DLG2: variants seen among roughly 807,000 people sequenced by gnomAD.
DLG2 encodes the protein discs large MAGUK scaffold protein 2.
Under a neutral mutation model 132.5 loss-of-function variants are expected in DLG2, and 45 were observed. The ratio of observed to expected loss-of-function variants is 0.34; its 90% CI spans 0.27 to 0.44. The LOEUF is 0.44. DLG2 is among the 20% of genes least tolerant of loss of function. DLG2 has a pLI of 1.00. For missense variants in DLG2, 1,045 were observed against 1,196.9 expected, an observed-to-expected ratio of 0.87 and a Z score of 1.87; for synonymous variants, 424 against 419.6, an observed-to-expected ratio of 1.01 and a Z score of -0.13.
At chr11:84,223,854 C>A (rs986665402) in intron 8 of DLG2, among the ~76,000 whole-genome samples, 1 of 152,172 alleles carries the variant, frequency 6.6e-6, no homozygotes, top group Non-Finnish European at 1.5e-5. Context: ...GTGCATCTGG[C>A]AAAAATTATG....
chr11:83,720,320 A>AAAAAAAAAAAAAAAAAAAAAAAAAAAAAT, intron 18 of DLG2, among the ~76,000 whole-genome samples: 1 of 148,770 alleles, frequency 6.7e-6, no homozygotes, highest in Middle Eastern at 3.4e-3. Flanking sequence ...AAAAAAAAAA[A>AAAAAAAAAAAAAAAAAAAAAAAAAAAAAT]AAAAAAGAAT....
chr11:84,882,391 T>C (rs965170310), intron 6 of DLG2, among the ~76,000 whole-genome samples: 1 of 152,070 alleles, frequency 6.6e-6, no homozygotes, highest in Admixed American at 6.6e-5. Context: ...TGGGATTTTC[T>C]TTTTTCTCCC....
intron 7 of DLG2, among the ~76,000 whole-genome samples, chr11:84,522,241 A>G (rs1419089164): frequency 6.6e-6 from 1 of 152,170 alleles, no homozygotes; most frequent in Non-Finnish European, 1.5e-5. Context: ...AAGCAGTGAA[A>G]CTAGAAAATC....
At chr11:85,158,647 A>G (rs1299740755) in intron 4 of DLG2, among the ~76,000 whole-genome samples, 1 of 152,182 alleles carries the variant, frequency 6.6e-6, no homozygotes, top group East Asian at 1.9e-4. Context: ...ATTTAAATAC[A>G]GTGTGAATAA....
At chr11:84,003,129 G>A (rs912248244) in intron 11 of DLG2, among the ~76,000 whole-genome samples, 17 of 152,256 alleles carry the variant, frequency 1.1e-4, no homozygotes, top group African/African-American at 3.6e-4. Context: ...AGCATAGCAA[G>A]AGTCACCTTT....
chr11:85,106,217 G>C (rs1038204804), intron 6 of DLG2, among the ~76,000 whole-genome samples: 1 of 151,892 alleles, frequency 6.6e-6, no homozygotes, highest in Admixed American at 6.6e-5. Context: ...ATATTCTAGA[G>C]AGACATAGTA....
chr11:85,172,855 G>A (rs1378447114), intron 4 of DLG2, among the ~76,000 whole-genome samples: 2 of 152,060 alleles, frequency 1.3e-5, no homozygotes, highest in Non-Finnish European at 2.9e-5. Flanking sequence ...CATAGACCAA[G>A]CAGAGGAAAG....
At chr11:85,224,445 G>C (rs571344942) in intron 4 of DLG2, among the ~76,000 whole-genome samples, 65 of 152,184 alleles carry the variant, frequency 4.3e-4, no homozygotes, top group South Asian at 4.2e-3. Context: ...GAGGTGTAGG[G>C]GACTGAGCTG....
At chr11:85,507,354 G>T (rs1269863372) in intron 3 of DLG2, among the ~76,000 whole-genome samples, 3 of 152,148 alleles carry the variant, frequency 2.0e-5, no homozygotes, top group African/African-American at 7.2e-5. Context: ...GGTACCAGTT[G>T]TTGCTTTCCA....
intron 7 of DLG2, among the ~76,000 whole-genome samples, chr11:84,480,412 T>G (rs17734775): frequency 0.022 from 3,403 of 152,280 alleles, 58 homozygotes; most frequent in Non-Finnish European, 0.035. Context: ...TGAATGAGAT[T>G]AGCCATCTTT....
chr11:84,827,369 A>G (rs1325940808), intron 6 of DLG2, among the ~76,000 whole-genome samples: 2 of 151,788 alleles, frequency 1.3e-5, no homozygotes, highest in Non-Finnish European at 2.9e-5. Flanking sequence ...ACTAAAAAAA[A>G]AAAATTTATG....
At chr11:85,024,371 G>T (rs755830531) in intron 6 of DLG2, among the ~76,000 whole-genome samples, 3 of 152,046 alleles carry the variant, frequency 2.0e-5, no homozygotes, top group Admixed American at 1.3e-4. Context: ...AAGGTAAACG[G>T]CACCAAAACT....
intron 4 of DLG2, among the ~76,000 whole-genome samples, chr11:85,178,315 C>G (rs1380717787): frequency 6.6e-6 from 1 of 151,796 alleles, no homozygotes; most frequent in Non-Finnish European, 1.5e-5. Context: ...GTGTTTATGC[C>G]TAAAGAGAAT....
In DLG2 at chr11:84,054,333, A is replaced by G. The variant is rs116178540; in HGVS notation, c.919+4982T>C. On this transcript the variant is annotated intron_variant, in intron 11 of 27. Coordinates refer to ENST00000376104, the MANE Select transcript of DLG2 (RefSeq NM_001142699.3). The stretch of plus-strand genomic sequence containing the variant: ...CTAGGAAGCCTTTTACAGTAAATCT[A>G]TTTCCTGGAAACCCACATACACACT... Among the ~76,000 whole-genome samples the G allele has an allele frequency of 6.2e-3, 947 of 152,078 alleles. 9 individuals are homozygous for G. The highest frequency in any genetic ancestry group is 0.022 in the African/African-American group (911 of 41,536).
chr11:84,504,438 A>T (rs183537794), intron 7 of DLG2, among the ~76,000 whole-genome samples: 1 of 152,290 alleles, frequency 6.6e-6, no homozygotes, highest in African/African-American at 2.4e-5. Flanking sequence ...TTTTATTATC[A>T]AACGCTGTTA....
At chr11:84,558,243 T>TTA (rs2099415928) in intron 6 of DLG2, among the ~76,000 whole-genome samples, 1 of 152,156 alleles carries the variant, frequency 6.6e-6, no homozygotes, top group Non-Finnish European at 1.5e-5. Flanking sequence ...ATTTCCCAGA[T>TTA]TACATCCCTT....
chr11:85,059,102 T>A (rs762526309), intron 6 of DLG2, among the ~76,000 whole-genome samples: 1 of 151,374 alleles, frequency 6.6e-6, no homozygotes, highest in African/African-American at 2.4e-5. Flanking sequence ...TTGGAATACA[T>A]ACATCCAAAA....
Position 83,633,213 on chromosome 11 carries a change from G to A in DLG2, c.1938C>T (p.Val646=). Residue 646 remains valine, a splice_region_variant and synonymous_variant, in exon 19 of 28, where the codon GTC becomes GTT. Coordinates refer to ENST00000376104, the MANE Select transcript of DLG2 (RefSeq NM_001142699.3). ...LRTNQKRSLY[V]RAMFDYDKSK... ...TAGAGAAATACTCCTTTGCCTACCT[G>A]ACGTAGAGGGAGCGTTTCTGATTGG... 1 of 1,613,496 alleles carries A rather than the reference G, an allele frequency of 6.2e-7. No individual in the cohort carries two copies. Among genetic ancestry groups the A allele is most frequent in the Non-Finnish European group, 8.5e-7 (1 of 1,179,544 alleles).
chr11:85,177,725 A>C (rs2079400527), intron 4 of DLG2, among the ~76,000 whole-genome samples: 1 of 152,124 alleles, frequency 6.6e-6, no homozygotes, highest in East Asian at 1.9e-4. Flanking sequence ...ATTAACTACT[A>C]AAAGAAAATA....
Sources: allele counts gnomAD v4.1 joint callset (sites outside exome capture counted in the v4.1 genomes callset), GRCh38; gene constraint gnomAD v4.1.1; transcripts MANE v1.5; gene names NCBI Gene and HGNC (gene_info 2026-07-23, HGNC 2026-07-21).